TRAPPC3: variants seen among roughly 807,000 people sequenced by gnomAD.
TRAPPC3 encodes trafficking protein particle complex 3.
TRAPPC3 carries 5 observed loss-of-function variants against 18.2 expected under a neutral mutation model. That is an observed-to-expected ratio of 0.28 (90% CI 0.14 to 0.58). TRAPPC3 has a LOEUF of 0.58. TRAPPC3 is among the 20% of genes least tolerant of loss of function. The probability of loss-of-function intolerance (pLI) is 0.91; values close to 1 mark genes in which losing one functional copy is unlikely to be tolerated. For missense variants in TRAPPC3, 176 were observed against 225.9 expected, an observed-to-expected ratio of 0.78 and a Z score of 1.41; for synonymous variants, 65 against 84.2, an observed-to-expected ratio of 0.77 and a Z score of 1.25.
Position 36,149,404 on chromosome 1 carries a change from C to T in TRAPPC3, c.-26G>A, listed in dbSNP as rs1196702092. 4.3e-6 allele frequency: 7 copies of T among 1,612,096 alleles called. No homozygotes were observed. The South Asian group carries it at 7.7e-5, about 18-fold the overall frequency. ...GGTGCCGGCCGCCCCGCCCCACTCG[C>T]CTAGCCACGGGTTAGCTCGGCGACC... On this transcript the variant is annotated 5_prime_UTR_variant, in exon 1 of 5. Coordinates refer to ENST00000373166, the MANE Select transcript of TRAPPC3 (RefSeq NM_014408.5).
chr1:36,140,269 T>G (rs1644088443), intron 1 of TRAPPC3, 103 bp from the exon 2 acceptor site: 1 of 705,554 alleles, frequency 1.4e-6, no homozygotes. Flanking sequence ...TCCCTCTAAC[T>G]GTGTCTGGAG....
intron 1 of TRAPPC3, chr1:36,140,943 G>A (rs1398280162): frequency 6.6e-6 from 1 of 152,178 alleles, no homozygotes; most frequent in Non-Finnish European, 1.5e-5. Flanking sequence ...GATCACCTGA[G>A]GTCAGGGGTT....
In TRAPPC3 at chr1:36,140,165, C is replaced by G; in HGVS notation, c.44G>C (p.Ser15Thr). Residue 15 changes from serine (S) to threonine (T), a missense_variant and splice_region_variant, in exon 2 of 5, where the codon AGC (serine) becomes ACC (threonine). Ser to Thr is a moderately conservative substitution (Grantham distance 58). Coordinates refer to ENST00000373166, the MANE Select transcript of TRAPPC3 (RefSeq NM_014408.5). ...ATAGGTCAGGGTGAAGAGCTCAGAGCTCTAAAAGAGATTCAAAAGGCAGTC... is the reference window on the plus strand; with the variant it reads ...ATAGGTCAGGGTGAAGAGCTCAGAGGTCTAAAAGAGATTCAAAAGGCAGTC... ...ANRGTESKKM[S>T]SELFTLTYGA... The G allele has an allele frequency of 6.3e-7, 1 of 1,575,794 alleles. No homozygotes were observed. Among genetic ancestry groups the G allele is most frequent in the Non-Finnish European group, 8.6e-7 (1 of 1,166,618 alleles).
chr1:36,149,186 G>A (rs911842587), intron 1 of TRAPPC3, 151 bp downstream of exon 1: 4 of 1,489,350 alleles, frequency 2.7e-6, no homozygotes, highest in Non-Finnish European at 8.9e-7. Context: ...CACCTGCCTG[G>A]AACGCCCCCG....
chr1:36,149,623 C>T, upstream of TRAPPC3: 2 of 586,904 alleles, frequency 3.4e-6, no homozygotes, highest in Non-Finnish European at 6.1e-6. Flanking sequence ...TTAACACAGT[C>T]AACTACAACT....
intron 1 of TRAPPC3, among the ~76,000 whole-genome samples, chr1:36,141,215 G>A (rs1354408512): frequency 6.6e-6 from 1 of 152,194 alleles, no homozygotes; most frequent in Admixed American, 6.5e-5. Flanking sequence ...AAGGTGAAAT[G>A]AGTGACAAAT....
chr1:36,151,716 G>A (rs1474862334), upstream of TRAPPC3, among the ~76,000 whole-genome samples: 1 of 152,154 alleles, frequency 6.6e-6, no homozygotes, highest in Non-Finnish European at 1.5e-5. Flanking sequence ...ACTTCTAGGT[G>A]CCAGGACATT....
intron 3 of TRAPPC3, 135 bp downstream of exon 3, chr1:36,139,585 G>GT (rs1364229651): frequency 5.9e-6 from 7 of 1,188,454 alleles, no homozygotes; most frequent in Non-Finnish European, 7.0e-6. Flanking sequence ...GACCTGGAAT[G>GT]TTTTTTTGAC....
chr1:36,149,120 T>C, intron 1 of TRAPPC3: 6 of 1,442,210 alleles, frequency 4.2e-6, no homozygotes, highest in Non-Finnish European at 5.5e-6. Flanking sequence ...AGCACAGAGC[T>C]GCACTCAGGC....
intron 1 of TRAPPC3, among the ~76,000 whole-genome samples, chr1:36,142,880 A>C (rs558641018): frequency 6.6e-6 from 1 of 151,888 alleles, no homozygotes; most frequent in Admixed American, 6.6e-5. Context: ...AAAATTTTAA[A>C]AATCAGCCAG....
chr1:36,152,785 A>G (rs776036875), upstream of TRAPPC3, among the ~76,000 whole-genome samples: 3 of 151,802 alleles, frequency 2.0e-5, no homozygotes, highest in South Asian at 2.1e-4. Flanking sequence ...TGAGTAGTTC[A>G]GACTACAGGC....
At chr1:36,139,156 A>ATT (rs368101649) in intron 3 of TRAPPC3, among the ~76,000 whole-genome samples, 44 of 115,490 alleles carry the variant, frequency 3.8e-4, no homozygotes, top group East Asian at 1.3e-3. Flanking sequence ...GTGAGTCTGT[A>ATT]TTTTTTTTTT....
chr1:36,140,150 G>T lies in TRAPPC3; in HGVS notation c.59C>A (p.Thr20Asn). 6.3e-7 allele frequency: 1 copy of T among 1,597,178 alleles called. No individual in the cohort carries two copies. Among genetic ancestry groups the T allele is most frequent in the Non-Finnish European group, 8.5e-7 (1 of 1,175,208 alleles). Reference protein sequence around the residue: ...ESKKMSSELFTLTYGALVTQL... With the variant: ...ESKKMSSELFNLTYGALVTQL... ...GGTGACCAGGGCACCATAGGTCAGG[G>T]TGAAGAGCTCAGAGCTCTAAAAGAG... Residue 20 changes from threonine (T) to asparagine (N), a missense_variant, in exon 2 of 5, where the codon ACC becomes AAC. Physicochemically the swap from Thr to Asn is moderately conservative, Grantham distance 65. Coordinates refer to ENST00000373166, the MANE Select transcript of TRAPPC3 (RefSeq NM_014408.5).
intron 1 of TRAPPC3, among the ~76,000 whole-genome samples, chr1:36,145,448 C>G (rs1299091503): frequency 6.6e-6 from 1 of 152,138 alleles, no homozygotes; most frequent in Non-Finnish European, 1.5e-5. Flanking sequence ...TAAATCCAGC[C>G]AACTCTCTTA....
chr1:36,151,293 C>T (rs1644269802), upstream of TRAPPC3, among the ~76,000 whole-genome samples: 1 of 152,126 alleles, frequency 6.6e-6, no homozygotes, highest in South Asian at 2.1e-4. Flanking sequence ...GAGGCAAAGG[C>T]AGGAGGAACA....
intron 1 of TRAPPC3, 196 bp downstream of exon 1, chr1:36,149,141 G>A (rs1174225615): frequency 2.8e-6 from 4 of 1,453,542 alleles, no homozygotes; most frequent in South Asian, 2.8e-5. Flanking sequence ...CTTGGGGGCG[G>A]GGTCTCCTCC....
In TRAPPC3 at chr1:36,139,783, G is replaced by C. The variant is rs777861359; in HGVS notation, c.177C>G (p.Phe59Leu). 1.2e-6 allele frequency: 2 copies of C among 1,614,166 alleles called. No individual in the cohort carries two copies. The highest frequency in any genetic ancestry group is 1.7e-6 in the Non-Finnish European group (2 of 1,180,036). Residue 59 changes from phenylalanine to leucine, a missense_variant, in exon 3 of 5, where the codon TTC (phenylalanine) becomes TTG (leucine). Physicochemically the swap from Phe to Leu is conservative, Grantham distance 22. This residue lies in a region of TRAPPC3 where 147 missense variants were observed against 164.3 expected (regional missense o/e 0.89). Transcript: ENST00000373166. ...ACCTCCCAACATTTGACCGAGCCAA[G>C]AAATCTTCAATCAGCCGGACTCCAA... ...FNIGVRLIED[F>L]LARSNVGRCH...
rs768953925 is a variant in TRAPPC3 at position 36,140,188 on chromosome 1, G to A, written c.43-22C>T. ...AGCTCTAAAAGAGATTCAAAAGGCA[G>A]TCAGGACCAAGCAGCACAAAAGAGA... On this transcript the variant is annotated intron_variant, in intron 1 of 4. Coordinates refer to ENST00000373166, the MANE Select transcript of TRAPPC3 (RefSeq NM_014408.5). 2.7e-6 allele frequency: 4 copies of A among 1,508,530 alleles called. No homozygotes were observed. The South Asian group carries it at 3.8e-5, about 14-fold the overall frequency. 93.4% of individuals were successfully genotyped at this position (1,508,530 alleles called of 1,614,324 possible).
At chr1:36,139,588 T>C in intron 3 of TRAPPC3, 132 bp downstream of exon 3, 1 of 1,250,252 alleles carries the variant, frequency 8.0e-7, no homozygotes, top group Non-Finnish European at 1.1e-6. Flanking sequence ...CTGGAATGTT[T>C]TTTTGACCCA....
Sources: gnomAD v4.1 joint callset for allele counts (sites outside exome capture counted in the v4.1 genomes callset) on GRCh38, gnomAD v4.1.1 for gene constraint, gnomAD v4.1.1 regional missense constraint, MANE v1.5 for transcripts, NCBI Gene and HGNC (gene_info 2026-07-23, HGNC 2026-07-21) for gene names.